The following PARD3B variants were observed in gnomAD, a reference collection of about 807,000 sequenced individuals.
PARD3B encodes the protein partitioning defective 3 homolog B.
A neutral mutation model predicts 130.2 loss-of-function variants in PARD3B; 103 were observed. The observed-to-expected ratio is 0.79, with a 90% CI of 0.67 to 0.93. The LOEUF (loss-of-function observed/expected upper bound fraction) is 0.93, where lower values mean the gene tolerates loss of function less well. Among genes scored for constraint, PARD3B ranks in the 40% least tolerant of loss-of-function variants. PARD3B has a pLI of 0.00. For missense variants in PARD3B, 1,609 were observed against 1,499.2 expected (o/e 1.07, Z -1.21); for synonymous variants, 583 against 553.2 (o/e 1.05, Z -0.76).
At chr2:204,680,542 G>C (rs1314179721) in intron 1 of PARD3B, among the ~76,000 whole-genome samples, 1 of 151,362 alleles carries the variant, frequency 6.6e-6, no homozygotes, top group Non-Finnish European at 1.5e-5. Context: ...TTATTTCATT[G>C]TTCTTTGCTC....
chr2:205,412,555 A>T (rs1319023090), intron 19 of PARD3B, among the ~76,000 whole-genome samples: 1 of 152,214 alleles, frequency 6.6e-6, no homozygotes, highest in Non-Finnish European at 1.5e-5. Flanking sequence ...CTCTCTCTCA[A>T]ACTTTCAGTG....
chr2:204,901,809 G>C (rs1343388290), intron 2 of PARD3B, among the ~76,000 whole-genome samples: 1 of 152,138 alleles, frequency 6.6e-6, no homozygotes, highest in Non-Finnish European at 1.5e-5. Flanking sequence ...TTAGTCAGCA[G>C]GTGATGAATC....
rs2048910673 is a variant in PARD3B, at chr2:205,473,514, A to G, written c.3045-26382A>G. Among the ~76,000 whole-genome samples the G allele has an allele frequency of 6.6e-6, 1 of 151,672 alleles. No individual in the cohort carries two copies. Among genetic ancestry groups the G allele is most frequent in the East Asian group, 1.9e-4 (1 of 5,154 alleles). Reference sequence around the variant, plus strand: ...TACACTGCTGGTTTTCTGCTGCCTGACAGTAGGGCACGTTTCACTCATTAA... The same window carrying G: ...TACACTGCTGGTTTTCTGCTGCCTGGCAGTAGGGCACGTTTCACTCATTAA... On this transcript the variant is annotated intron_variant, in intron 20 of 22. Transcript: ENST00000406610. This position sits in a 1 kb window ranked among gnomAD's most constrained non-coding sequence, Gnocchi z 4.9.
intron 2 of PARD3B, among the ~76,000 whole-genome samples, chr2:204,761,936 T>C (rs1051172946): frequency 3.3e-5 from 5 of 152,082 alleles, no homozygotes; most frequent in African/African-American, 7.2e-5. Flanking sequence ...AATCAGGCTT[T>C]CAATTTCAAA....
Position 205,093,412 on chromosome 2 carries a change from A to G in PARD3B, c.505-11014A>G, listed in dbSNP as rs566669263. On this transcript the variant is annotated intron_variant, in intron 4 of 22. Transcript: ENST00000406610. ...TAAAGAAATCTTCACCTACCCCGAG[A>G]TCAATGAATGCCATGACAGAGCTTG... Among the ~76,000 whole-genome samples the G allele has an allele frequency of 2.0e-5, 3 of 152,264 alleles. No homozygotes were observed. The South Asian group carries it at 6.2e-4, about 32-fold the overall frequency.
At chr2:204,666,528 AAG>A (rs2036030864) in intron 1 of PARD3B, among the ~76,000 whole-genome samples, 2 of 152,178 alleles carry the variant, frequency 1.3e-5, no homozygotes, top group African/African-American at 4.8e-5. Flanking sequence ...TAGTGAGAGC[AAG>A]AGATGATGGT....
At chr2:204,854,266 G>T (rs1233974867) in intron 2 of PARD3B, among the ~76,000 whole-genome samples, 1 of 152,170 alleles carries the variant, frequency 6.6e-6, no homozygotes, top group East Asian at 1.9e-4. Flanking sequence ...TATGGAAGTA[G>T]TGCTGTTCAG....
intron 15 of PARD3B, among the ~76,000 whole-genome samples, chr2:205,222,384 G>A (rs1186659047): frequency 6.6e-6 from 1 of 152,136 alleles, no homozygotes; most frequent in Non-Finnish European, 1.5e-5. Flanking sequence ...CAAACTTTAT[G>A]TCATAACCCT....
At chr2:204,893,941 G>A (rs1575234091) in intron 2 of PARD3B, among the ~76,000 whole-genome samples, 1 of 151,582 alleles carries the variant, frequency 6.6e-6, no homozygotes, top group African/African-American at 2.4e-5. Flanking sequence ...AATTAATTAA[G>A]GCTCTGTAAT....
intron 6 of PARD3B, among the ~76,000 whole-genome samples, chr2:205,114,527 G>T (rs2125601086): frequency 6.6e-6 from 1 of 152,188 alleles, no homozygotes; most frequent in African/African-American, 2.4e-5. Context: ...CAAGTCAATT[G>T]ATTTTCCCAA....
chr2:204,603,954 A>G (rs1346713706), intron 1 of PARD3B, among the ~76,000 whole-genome samples: 4 of 152,110 alleles, frequency 2.6e-5, no homozygotes, highest in Admixed American at 1.3e-4. Context: ...TCCTTGGGTA[A>G]TTTTGTTTTA....
At chr2:205,261,645 C>T (rs1328712682) in intron 16 of PARD3B, among the ~76,000 whole-genome samples, 1 of 152,098 alleles carries the variant, frequency 6.6e-6, no homozygotes, top group African/African-American at 2.4e-5. Flanking sequence ...TAAGAAACCA[C>T]ATAATAAAAA....
At chr2:204,549,768 G>A (rs2030307264) in intron 1 of PARD3B, among the ~76,000 whole-genome samples, 1 of 152,146 alleles carries the variant, frequency 6.6e-6, no homozygotes, top group Non-Finnish European at 1.5e-5. Context: ...CACAATACAT[G>A]TTATTTGTTA....
At chr2:205,018,750 A>AAAAAAAAAC (rs1696363448) in intron 3 of PARD3B, among the ~76,000 whole-genome samples, 2 of 104,378 alleles carry the variant, frequency 1.9e-5, no homozygotes, top group African/African-American at 6.5e-5. Flanking sequence ...AAAAAAAAAA[A>AAAAAAAAAC]GCACGCTGAT....
intron 3 of PARD3B, among the ~76,000 whole-genome samples, chr2:205,027,160 A>T (rs1222080280): frequency 2.6e-5 from 4 of 152,174 alleles, no homozygotes; most frequent in Non-Finnish European, 1.5e-5. Context: ...TAATGACTGC[A>T]CCAATTTCCA....
intron 18 of PARD3B, among the ~76,000 whole-genome samples, chr2:205,370,374 A>C (rs849206): frequency 0.99 from 151,328 of 152,298 alleles, 75,185 homozygotes; most frequent in East Asian, 1. Flanking sequence ...AATTGCAGAA[A>C]GTAGGAGAAT....
Position 205,618,927 on chromosome 2 carries a change from G to GA in PARD3B, c.*3120dup, listed in dbSNP as rs1208238691. The GA allele has an allele frequency of 2.6e-5, 4 of 152,026 alleles. No homozygotes were observed. The East Asian group carries it at 7.7e-4, about 29-fold the overall frequency. 9.4% of individuals were successfully genotyped at this position (152,026 alleles called of 1,614,324 possible). On this transcript the variant is annotated 3_prime_UTR_variant, in exon 23 of 23. Coordinates refer to ENST00000406610, the MANE Select transcript of PARD3B (RefSeq NM_001302769.2). ...CATAACCTAATAGCAAACAAAAATT[G>GA]AAAAAACAATTATTCTGAAGCTCAT...
chr2:205,381,061 AATATATATTATATATATT>A (rs374998161), intron 18 of PARD3B, among the ~76,000 whole-genome samples: 1 of 77,220 alleles, frequency 1.3e-5, no homozygotes, highest in African/African-American at 7.3e-5. Flanking sequence ...ATATATAAAG[AATATATATTATATATATT>A]ATATATAAAG....
intron 3 of PARD3B, among the ~76,000 whole-genome samples, chr2:204,971,926 C>T (rs1389836113): frequency 1.3e-5 from 2 of 151,348 alleles, no homozygotes; most frequent in Non-Finnish European, 2.9e-5. Flanking sequence ...CTTCCTCAGC[C>T]TCCCAAAGCA....
Sources: gnomAD v4.1 joint callset for allele counts (sites outside exome capture counted in the v4.1 genomes callset) on GRCh38, gnomAD v4.1.1 for gene constraint, Gnocchi (gnomAD v3.1) non-coding constraint, MANE v1.5 for transcripts, NCBI Gene and HGNC (gene_info 2026-07-23, HGNC 2026-07-21) for gene names.